Variants in ARK2N observed in about 807,000 individuals in gnomAD.
The protein encoded by ARK2N is arkadia (RNF111) N-terminal like PKA signaling regulator 2N, also known as protein ARK2N.
chr18:46,229,495 C>T, the ARK2N span, among the ~76,000 whole-genome samples: 1 of 151,674 alleles, frequency 6.6e-6, no homozygotes, highest in Non-Finnish European at 1.5e-5. Context: ...CTACAGGTGC[C>T]TGCCACCACG....
the ARK2N span, among the ~76,000 whole-genome samples, chr18:46,259,230 GCTTT>G: frequency 1.3e-4 from 19 of 150,458 alleles, no homozygotes; most frequent in East Asian, 1.9e-4. Flanking sequence ...GTCACTCTGA[GCTTT>G]CTTTCTTTCT....
the ARK2N span, among the ~76,000 whole-genome samples, chr18:46,224,175 C>T: frequency 6.6e-6 from 1 of 152,150 alleles, no homozygotes; most frequent in African/African-American, 2.4e-5. Flanking sequence ...TTGTTTTAAA[C>T]CACAGGGCAC....
chr18:46,201,336 A>G, the ARK2N span, among the ~76,000 whole-genome samples: 1 of 152,066 alleles, frequency 6.6e-6, no homozygotes, highest in Non-Finnish European at 1.5e-5. Context: ...TAGGCTTTCA[A>G]AAAAATATGT....
chr18:46,231,868 C>A, the ARK2N span: 1 of 152,060 alleles, frequency 6.6e-6, no homozygotes, highest in Non-Finnish European at 1.5e-5. Context: ...GATTCTCCTG[C>A]CTCAGCTACC....
chr18:46,219,473 C>CT, the ARK2N span, among the ~76,000 whole-genome samples: 2,809 of 138,804 alleles, frequency 0.02, 165 homozygotes, highest in East Asian at 0.23. Context: ...CAAGTGATTT[C>CT]TTTTTTTTTT....
At chr18:46,251,011 G>A in the ARK2N span, among the ~76,000 whole-genome samples, 3 of 152,108 alleles carry the variant, frequency 2.0e-5, no homozygotes, top group African/African-American at 4.8e-5. Context: ...TGCATATATC[G>A]CAGGTTCATT....
the ARK2N span, among the ~76,000 whole-genome samples, chr18:46,212,506 T>A: frequency 1.9e-3 from 297 of 152,352 alleles, 1 homozygote; most frequent in African/African-American, 6.7e-3. Flanking sequence ...CTTACCTCTC[T>A]ATATAAAGTG....
At chr18:46,250,008 C>T in the ARK2N span, among the ~76,000 whole-genome samples, 132 of 152,178 alleles carry the variant, frequency 8.7e-4, no homozygotes, top group Non-Finnish European at 1.4e-3. Flanking sequence ...TCGCCCCACC[C>T]CATCTCTTAA....
chr18:46,231,400 G>C, the ARK2N span, among the ~76,000 whole-genome samples: 2 of 152,046 alleles, frequency 1.3e-5, no homozygotes, highest in Non-Finnish European at 2.9e-5. Context: ...GCAGATAACT[G>C]TACAGTTGCT....
chr18:46,212,845 CT>C, the ARK2N span, among the ~76,000 whole-genome samples: 32 of 152,116 alleles, frequency 2.1e-4, no homozygotes, highest in African/African-American at 7.5e-4. Context: ...AACAAATTTA[CT>C]TTTTAGTCTG....
chr18:46,195,057 C>G, the ARK2N span, among the ~76,000 whole-genome samples: 1 of 151,716 alleles, frequency 6.6e-6, no homozygotes, highest in Admixed American at 6.6e-5. Flanking sequence ...CTGCCTTGGC[C>G]TCCCAAAGTA....
the ARK2N span, among the ~76,000 whole-genome samples, chr18:46,254,293 A>G: frequency 1.3e-5 from 2 of 152,174 alleles, no homozygotes; most frequent in Non-Finnish European, 2.9e-5. Flanking sequence ...CTTGCAAGTT[A>G]TTTTGGTCTG....
the ARK2N span, among the ~76,000 whole-genome samples, chr18:46,230,033 C>T: frequency 3.3e-5 from 5 of 152,190 alleles, no homozygotes; most frequent in Non-Finnish European, 1.5e-5. Flanking sequence ...TCAAGCGATT[C>T]TCCTGCCTCA....
the ARK2N span, among the ~76,000 whole-genome samples, chr18:46,239,542 T>A: frequency 6.6e-6 from 1 of 152,260 alleles, no homozygotes; most frequent in Non-Finnish European, 1.5e-5. Flanking sequence ...AAAATATATT[T>A]GATTTTCTTT....
the ARK2N span, among the ~76,000 whole-genome samples, chr18:46,202,809 A>T: frequency 1.3e-5 from 2 of 151,834 alleles, no homozygotes; most frequent in African/African-American, 4.8e-5. Flanking sequence ...AATTAAAAAA[A>T]AAAAAAAGAA....
chr18:46,261,870 T>C, the ARK2N span, among the ~76,000 whole-genome samples: 1 of 152,206 alleles, frequency 6.6e-6, no homozygotes, highest in Non-Finnish European at 1.5e-5. Flanking sequence ...GTTTTGCAAC[T>C]GAATCGTGTC....
At chr18:46,259,772 CTGTGTGTGTGTG>C in the ARK2N span, among the ~76,000 whole-genome samples, 21 of 104,858 alleles carry the variant, frequency 2.0e-4, no homozygotes, top group South Asian at 1.5e-3. Context: ...CACCCAGCTA[CTGTGTGTGTGTG>C]TGTGTGTGTG....
chr18:46,206,871 G>C, the ARK2N span, among the ~76,000 whole-genome samples: 518 of 152,168 alleles, frequency 3.4e-3, 3 homozygotes, highest in African/African-American at 0.012. Context: ...TGACCTCCCA[G>C]GCTCAAGCCA....
At chr18:46,189,824 C>A in the ARK2N span, among the ~76,000 whole-genome samples, 1 of 151,916 alleles carries the variant, frequency 6.6e-6, no homozygotes, top group Non-Finnish European at 1.5e-5. Flanking sequence ...TGATCATGCC[C>A]CTGCCCTCTA....
Sources: gnomAD v4.1 joint callset for allele counts (sites outside exome capture counted in the v4.1 genomes callset) on GRCh38, gnomAD v4.1.1 for gene constraint, MANE v1.5 for transcripts, NCBI Gene and HGNC (gene_info 2026-07-23, HGNC 2026-07-21) for gene names.